Variants in UBAP2L observed in about 807,000 individuals in gnomAD.
UBAP2L encodes ubiquitin-associated protein 2-like.
UBAP2L carries 12 observed loss-of-function variants against 130.6 expected under a neutral mutation model. The observed-to-expected ratio is 0.09, with a 90% CI of 0.06 to 0.15. The LOEUF (loss-of-function observed/expected upper bound fraction) is 0.15, where lower values mean the gene tolerates loss of function less well. Ranked by LOEUF, UBAP2L falls within the 10% of genes least tolerant of loss-of-function variation. UBAP2L has a pLI of 1.00. For missense variants in UBAP2L, 965 were observed against 1,332.5 expected, an observed-to-expected ratio of 0.72 and a Z score of 4.29; for synonymous variants, 503 against 524.7, an observed-to-expected ratio of 0.96 and a Z score of 0.57.
At chr1:154,220,411 C>T (rs1665496675), upstream of UBAP2L, 8 of 1,614,112 alleles carry the variant, frequency 5.0e-6, no homozygotes, top group African/African-American at 5.3e-5. Context: ...ACGCCATGGC[C>T]TCCCTACCTC....
intron 26 of UBAP2L, chr1:154,269,418 G>A (rs2149117544): frequency 7.6e-7 from 1 of 1,308,698 alleles, no homozygotes; most frequent in Admixed American, 2.3e-5. Flanking sequence ...AGCAGGTAAT[G>A]AAATTGAATG....
intron 10 of UBAP2L, among the ~76,000 whole-genome samples, chr1:154,243,524 G>A (rs1018113044): frequency 2.0e-5 from 3 of 151,598 alleles, no homozygotes; most frequent in Non-Finnish European, 2.9e-5. Context: ...GCAGTGGCAC[G>A]ATTTCGGCTC....
At chr1:154,251,403 T>C (rs1336454585) in intron 13 of UBAP2L, 78 bp from the exon 14 acceptor site, 57 of 1,574,636 alleles carry the variant, frequency 3.6e-5, no homozygotes, top group Non-Finnish European at 4.8e-5. Context: ...GTTTGGAAAT[T>C]TAAAGGGAAG....
chr1:154,261,750 A>C, intron 24 of UBAP2L, 53 bp downstream of exon 24: 1 of 1,563,078 alleles, frequency 6.4e-7, no homozygotes, highest in East Asian at 2.2e-5. Context: ...TTATTGGATA[A>C]ATTTCAGGGA....
In UBAP2L at chr1:154,261,041, A is replaced by G. The variant is rs1468661235; in HGVS notation, c.2728A>G (p.Ser910Gly). The change falls in exon 23 of 27, where the codon AGC (serine) becomes GGC (glycine). Residue 910 changes from serine to glycine, a missense_variant. Physicochemically the swap from Ser to Gly is moderately conservative, Grantham distance 56 (BLOSUM62 0). Coordinates refer to ENST00000428931, the MANE Select transcript of UBAP2L (RefSeq NM_014847.4). Reference protein sequence around the residue: ...PALPPGYSYTSLPYYTGVPGL... With the variant: ...PALPPGYSYTGLPYYTGVPGL... ...GCTGCCTCCTGGCTACAGTTACACC[A>G]GCCTGCCATACTATACAGGGGTCCC... 1 of 1,614,144 alleles carries G rather than the reference A, an allele frequency of 6.2e-7. No individual in the cohort carries two copies.
chr1:154,266,025 T>C (rs1683131464), intron 24 of UBAP2L, among the ~76,000 whole-genome samples: 2 of 152,140 alleles, frequency 1.3e-5, no homozygotes, highest in South Asian at 2.1e-4. Context: ...GGACTGCTCC[T>C]CTAGTACTTA....
chr1:154,266,826 G>T (rs1683369237), intron 25 of UBAP2L, among the ~76,000 whole-genome samples: 1 of 151,754 alleles, frequency 6.6e-6, no homozygotes, highest in Non-Finnish European at 1.5e-5. Context: ...GTAATTTACT[G>T]TGCAACTCTC....
chr1:154,222,129 C>G (rs1666401506), intron 1 of UBAP2L, among the ~76,000 whole-genome samples: 1 of 152,184 alleles, frequency 6.6e-6, no homozygotes, highest in African/African-American at 2.4e-5. Flanking sequence ...TTGACTCTCC[C>G]TGATTATTAA....
chr1:154,248,972 C>A (rs547814852), intron 11 of UBAP2L, among the ~76,000 whole-genome samples: 7 of 152,162 alleles, frequency 4.6e-5, no homozygotes, highest in African/African-American at 1.2e-4. Flanking sequence ...TTTATTTAAT[C>A]CTCCTACAGC....
In UBAP2L at chr1:154,225,151, G is replaced by A. The variant is rs1295759865; in HGVS notation, c.28G>A (p.Ala10Thr). 1 of 1,613,940 alleles carries A rather than the reference G, an allele frequency of 6.2e-7. No homozygotes were observed. Among genetic ancestry groups the A allele is most frequent in the South Asian group, 1.1e-5 (1 of 91,070 alleles). MMTSVGTNR[A>T]RGNWEQPQNQ... ...GATGACATCGGTGGGCACTAACCGA[G>A]CCCGGGGAAACTGGGAACAACCTCA... Residue 10 changes from alanine (A) to threonine (T), a missense_variant, in exon 2 of 27, where the codon GCC becomes ACC. Transcript: ENST00000428931.
At chr1:154,249,878 A>AAAAG (rs1553272370) in intron 12 of UBAP2L, among the ~76,000 whole-genome samples, 1 of 149,480 alleles carries the variant, frequency 6.7e-6, no homozygotes, top group Non-Finnish European at 1.5e-5. Flanking sequence ...AAAAAAAAAA[A>AAAAG]AAAGAAAAAT....
chr1:154,269,542 G>GAA (rs1684263423), intron 26 of UBAP2L: 1 of 636,322 alleles, frequency 1.6e-6, no homozygotes, highest in Non-Finnish European at 2.5e-6. Context: ...ACACCTTGCT[G>GAA]AGCTCTCTGG....
rs150962854 is a variant in UBAP2L at position 154,238,318 on chromosome 1, A to G, written c.703+1182A>G. Among the ~76,000 whole-genome samples the G allele has an allele frequency of 6.6e-3, 1,009 of 152,314 alleles. 3 individuals are homozygous for G. Among genetic ancestry groups the G allele is most frequent in the Non-Finnish European group, 0.011 (718 of 68,028 alleles). On this transcript the variant is annotated intron_variant, in intron 8 of 26. Transcript: ENST00000428931. ...ATGTCCTGTTATAGTTTAACTTACTATACTTCGGAGGCATTAGAACTGTTC... is the reference window on the plus strand; with the variant it reads ...ATGTCCTGTTATAGTTTAACTTACTGTACTTCGGAGGCATTAGAACTGTTC...
intron 10 of UBAP2L, among the ~76,000 whole-genome samples, chr1:154,243,720 C>T (rs1374328742): frequency 3.9e-5 from 6 of 152,024 alleles, no homozygotes; most frequent in Non-Finnish European, 7.4e-5. Flanking sequence ...CTCTGCCTCC[C>T]GAAGTGCTGG....
chr1:154,258,502 TAGA>T (rs1680430863), intron 20 of UBAP2L: 1 of 152,938 alleles, frequency 6.5e-6, no homozygotes. Context: ...CCTGCCCTCA[TAGA>T]CAAAGTCTAG....
intron 26 of UBAP2L, 63 bp downstream of exon 26, chr1:154,269,017 TC>T: frequency 6.3e-7 from 1 of 1,577,202 alleles, no homozygotes; most frequent in Non-Finnish European, 8.7e-7. Context: ...AAAACTGCCT[TC>T]CCTTTCCTTT....
In UBAP2L at chr1:154,253,980, C is replaced by T. The variant is rs752047003; in HGVS notation, c.1745C>T (p.Thr582Ile). 5.6e-6 allele frequency: 9 copies of T among 1,613,910 alleles called. No individual in the cohort carries two copies. Among genetic ancestry groups the T allele is most frequent in the Admixed American group, 1.7e-5 (1 of 59,972 alleles). The stretch of plus-strand genomic sequence containing the variant: ...GGCCCAATTCAGTCGACAACCTATA[C>T]CTCCCAAAATAATGCTCAGGGCCCT... The part of the protein sequence containing the change: ...QSGPIQSTTY[T>I]SQNNAQGPLY... Residue 582 changes from threonine (T) to isoleucine (I), a missense_variant, in exon 15 of 27, where the codon ACC (threonine) becomes ATC (isoleucine). By Grantham distance (89) the Thr-to-Ile change is moderately conservative. This residue lies in a region of UBAP2L where 393 missense variants were observed against 408.1 expected (regional missense o/e 0.96). Transcript: ENST00000428931.
chr1:154,269,719 G>C (rs375653963), intron 26 of UBAP2L: 1 of 315,708 alleles, frequency 3.2e-6, no homozygotes, highest in East Asian at 8.6e-5. Flanking sequence ...TGGGCTCACA[G>C]ATGTGATGTG....
chr1:154,234,795 C>T, intron 5 of UBAP2L, 36 bp downstream of exon 5: 1 of 1,557,682 alleles, frequency 6.4e-7, no homozygotes, highest in East Asian at 2.4e-5. Flanking sequence ...AGCTGTGGGT[C>T]AGTAATGTCT....
Sources: allele counts gnomAD v4.1 joint callset (sites outside exome capture counted in the v4.1 genomes callset), GRCh38; gene constraint gnomAD v4.1.1; regional missense constraint gnomAD v4.1.1; transcripts MANE v1.5; gene names NCBI Gene and HGNC (gene_info 2026-07-23, HGNC 2026-07-21).